The following SNX8 variants were observed in gnomAD, a reference collection of about 807,000 sequenced individuals.
The protein encoded by SNX8 is sorting nexin-8.
A neutral mutation model predicts 51.6 loss-of-function variants in SNX8; 25 were observed. The observed-to-expected ratio is 0.48, with a 90% confidence interval of 0.35 to 0.68. The LOEUF (loss-of-function observed/expected upper bound fraction) is 0.68. Among genes scored for constraint, SNX8 ranks in the 30% least tolerant of loss-of-function variants. SNX8 has a pLI of 0.00. For synonymous variants in SNX8, 324 were observed against 277.0 expected (o/e 1.17, Z -1.68); for missense variants, 695 against 624.0 (o/e 1.11, Z -1.21).
chr7:2,352,128 G>A (rs946230162), intron 1 of SNX8, among the ~76,000 whole-genome samples: 3 of 151,708 alleles, frequency 2.0e-5, no homozygotes, highest in South Asian at 2.1e-4. Flanking sequence ...GGCTGGTCTC[G>A]AACTCCTGAC....
chr7:2,347,493 A>G (rs536486320), intron 1 of SNX8, among the ~76,000 whole-genome samples: 5,839 of 102,972 alleles, frequency 0.057, 408 homozygotes, highest in African/African-American at 0.15. Context: ...AAAAAAAAAA[A>G]AAAAAAGAAA....
At chr7:2,342,796 C>T (rs1043027943) in intron 1 of SNX8, among the ~76,000 whole-genome samples, 2 of 151,886 alleles carry the variant, frequency 1.3e-5, no homozygotes, top group Non-Finnish European at 2.9e-5. Flanking sequence ...TCCATCCTTG[C>T]TTTTATTTAT....
chr7:2,316,971 A>G (rs1461992077), upstream of SNX8, among the ~76,000 whole-genome samples: 5 of 152,166 alleles, frequency 3.3e-5, no homozygotes, highest in African/African-American at 1.2e-4. Context: ...CAAGTGTGCT[A>G]ACTGTTCCAA....
intron 1 of SNX8, among the ~76,000 whole-genome samples, chr7:2,304,501 C>A (rs1044399102): frequency 1.3e-5 from 2 of 151,064 alleles, no homozygotes; most frequent in Non-Finnish European, 3.0e-5. Flanking sequence ...CGGAGATTGC[C>A]CCACTGTACT....
At chr7:2,345,602 C>G (rs1464668612) in intron 1 of SNX8, among the ~76,000 whole-genome samples, 3 of 151,076 alleles carry the variant, frequency 2.0e-5, no homozygotes, top group African/African-American at 7.3e-5. Context: ...CACTTGAACC[C>G]AGGAGGTGGA....
At chr7:2,346,709 G>A (rs1779034718) in intron 1 of SNX8, among the ~76,000 whole-genome samples, 1 of 124,686 alleles carries the variant, frequency 8.0e-6, no homozygotes, top group African/African-American at 3.0e-5. Flanking sequence ...TTGCGCCACT[G>A]CACTCCAGCC....
chr7:2,298,621 C>T (rs576987293), intron 1 of SNX8, among the ~76,000 whole-genome samples: 1 of 151,974 alleles, frequency 6.6e-6, no homozygotes, highest in South Asian at 2.1e-4. Flanking sequence ...CCACCCGCCT[C>T]AGCCTCCCAA....
At chr7:2,306,180 C>T (rs997646936) in intron 1 of SNX8, among the ~76,000 whole-genome samples, 5 of 151,806 alleles carry the variant, frequency 3.3e-5, no homozygotes, top group Non-Finnish European at 5.9e-5. Flanking sequence ...CTTGTTCTGT[C>T]GCCCAGGCTG....
At chr7:2,326,973 A>T (rs1193141028) in intron 1 of SNX8, among the ~76,000 whole-genome samples, 2 of 152,092 alleles carry the variant, frequency 1.3e-5, no homozygotes, top group East Asian at 3.8e-4. Flanking sequence ...TTTTTTAAAA[A>T]ATATTACGAA....
chr7:2,304,506 T>G (rs1319161815), intron 1 of SNX8, among the ~76,000 whole-genome samples: 1 of 151,438 alleles, frequency 6.6e-6, no homozygotes, highest in African/African-American at 2.4e-5. Context: ...ATTGCCCCAC[T>G]GTACTCCAGC....
At chr7:2,311,259 G>C (rs1796652255) in intron 1 of SNX8, among the ~76,000 whole-genome samples, 1 of 152,144 alleles carries the variant, frequency 6.6e-6, no homozygotes, top group South Asian at 2.1e-4. Context: ...TAGAGAAGAG[G>C]AAATTCACTG....
intron 1 of SNX8, among the ~76,000 whole-genome samples, chr7:2,283,807 G>A (rs1795961760): frequency 1.3e-5 from 2 of 152,120 alleles, no homozygotes; most frequent in African/African-American, 4.8e-5. Context: ...TGCTTTTTTT[G>A]GAGGGGGTGC....
At chr7:2,352,619 T>C (rs972474953) in intron 1 of SNX8, among the ~76,000 whole-genome samples, 3 of 151,670 alleles carry the variant, frequency 2.0e-5, no homozygotes, top group African/African-American at 7.3e-5. Context: ...GATCACAAGG[T>C]CAGGAGATCG....
At chr7:2,303,768 G>C (rs1242455119) in intron 1 of SNX8, among the ~76,000 whole-genome samples, 3 of 151,700 alleles carry the variant, frequency 2.0e-5, no homozygotes, top group South Asian at 2.1e-4. Flanking sequence ...TGCTCGTTAA[G>C]AGTCATCACC....
intron 4 of SNX8, among the ~76,000 whole-genome samples, chr7:2,270,188 G>A (rs1051582692): frequency 7.2e-5 from 11 of 152,128 alleles, no homozygotes; most frequent in African/African-American, 1.2e-4. Context: ...GGGCAAAGCC[G>A]TGCCTTAAAG....
intron 1 of SNX8, among the ~76,000 whole-genome samples, chr7:2,306,238 C>A (rs1182261469): frequency 6.6e-6 from 1 of 152,116 alleles, no homozygotes; most frequent in East Asian, 1.9e-4. Context: ...AGCAATTCTC[C>A]TTCCTCAGGC....
intron 1 of SNX8, among the ~76,000 whole-genome samples, chr7:2,294,241 C>T (rs1039470706): frequency 4.0e-5 from 6 of 150,878 alleles, no homozygotes; most frequent in African/African-American, 1.5e-4. Context: ...CCAGCCCAGG[C>T]GACAAGTGCA....
intron 9 of SNX8, 141 bp from the exon 10 acceptor site, chr7:2,257,164 G>T: frequency 1.6e-6 from 2 of 1,222,270 alleles, no homozygotes; most frequent in Non-Finnish European, 2.2e-6. Flanking sequence ...GGCGAGGTAA[G>T]AGAGGGCCGG....
intron 1 of SNX8, among the ~76,000 whole-genome samples, chr7:2,325,308 G>C (rs547896911): frequency 7.9e-5 from 12 of 152,252 alleles, no homozygotes; most frequent in Admixed American, 3.3e-4. Flanking sequence ...GCCAGCGGCA[G>C]TGGAAAAGTT....
Sources: gnomAD v4.1 joint callset for allele counts (sites outside exome capture counted in the v4.1 genomes callset) on GRCh38, gnomAD v4.1.1 for gene constraint, MANE v1.5 for transcripts, NCBI Gene and HGNC (gene_info 2026-07-23, HGNC 2026-07-21) for gene names.